PLEKHF1: variants seen among roughly 807,000 people sequenced by gnomAD.
PLEKHF1 encodes pleckstrin homology domain-containing family F member 1.
In PLEKHF1, 1 loss-of-function variant was observed where a neutral mutation model predicts 4.1. That is an observed-to-expected ratio of 0.24 (90% CI 0.09 to 1.15). PLEKHF1 has a LOEUF of 1.15. Ranked by LOEUF, PLEKHF1 falls within the 50% of genes most tolerant of loss-of-function variation. PLEKHF1 has a pLI of 0.52. For missense variants in PLEKHF1, 429 were observed against 400.6 expected (o/e 1.07, Z -0.60); for synonymous variants, 182 against 178.5 (o/e 1.02, Z -0.16).
At chr19:29,672,377 C>T (rs1022775151) in intron 1 of PLEKHF1, among the ~76,000 whole-genome samples, 6 of 152,188 alleles carry the variant, frequency 3.9e-5, no homozygotes, top group African/African-American at 2.4e-5. Context: ...ATTTGACTCT[C>T]AGACCTTGGA....
chr19:29,674,712 A>C lies in PLEKHF1; in HGVS notation c.*33A>C. 6.4e-7 allele frequency: 1 copy of C among 1,564,440 alleles called. No homozygotes were observed. Among genetic ancestry groups the C allele is most frequent in the Non-Finnish European group, 8.7e-7 (1 of 1,152,698 alleles). ...CCTGCAGAACATCTGTCCCCAAGCCAGCTCCACTGCCCAGGCCCCCAAGAG... is the reference window on the plus strand; with the variant it reads ...CCTGCAGAACATCTGTCCCCAAGCCCGCTCCACTGCCCAGGCCCCCAAGAG... On this transcript the variant is annotated 3_prime_UTR_variant, in exon 2 of 2. Transcript: ENST00000436066.
rs1211950615 is a variant in PLEKHF1 at position 29,674,670 on chromosome 19, C to T, written c.831C>T (p.Phe277=). The T allele has an allele frequency of 6.2e-7, 1 of 1,600,614 alleles. No homozygotes were observed. The highest frequency in any genetic ancestry group is 8.5e-7 in the Non-Finnish European group (1 of 1,172,606). Residue 277 remains phenylalanine, a synonymous_variant, in exon 2 of 2, where the codon TTC becomes TTT. Transcript: ENST00000436066. ...CCTCGGGGGTGGCCTGGTCTGCCTT[C>T]CACAGCTGACCCCCGGCCTGCAGAA... ...FYASGVAWSA[F]HS
chr19:29,669,587 A>G (rs943534394), intron 1 of PLEKHF1, among the ~76,000 whole-genome samples: 5 of 152,178 alleles, frequency 3.3e-5, no homozygotes, highest in Non-Finnish European at 5.9e-5. Flanking sequence ...CCCCCAGCCC[A>G]TGGAGCCCAG....
intron 1 of PLEKHF1, chr19:29,665,803 G>A: frequency 9.3e-7 from 1 of 1,073,210 alleles, no homozygotes; most frequent in Non-Finnish European, 1.1e-6. Context: ...GAGGTAAGGG[G>A]GTCGCGGGCC....
At chr19:29,668,807 G>C (rs998100208) in intron 1 of PLEKHF1, among the ~76,000 whole-genome samples, 5 of 152,182 alleles carry the variant, frequency 3.3e-5, no homozygotes, top group Admixed American at 6.5e-5. Flanking sequence ...TACAGGCAAG[G>C]TCAAACCAGG....
At chr19:29,668,692 C>A (rs575379998) in intron 1 of PLEKHF1, among the ~76,000 whole-genome samples, 2 of 151,136 alleles carry the variant, frequency 1.3e-5, no homozygotes, top group Admixed American at 1.3e-4. Context: ...TGTACTTCAG[C>A]CTGGGCAACA....
chr19:29,667,401 G>A (rs1487036032), intron 1 of PLEKHF1, among the ~76,000 whole-genome samples: 1 of 152,238 alleles, frequency 6.6e-6, no homozygotes, highest in African/African-American at 2.4e-5. Context: ...CTGGCACACA[G>A]TGGGACTCAT....
At chr19:29,665,747 C>G in intron 1 of PLEKHF1, 1 of 1,072,556 alleles carries the variant, frequency 9.3e-7, no homozygotes, top group Non-Finnish European at 1.1e-6. Flanking sequence ...GGGGTCAGAG[C>G]GTCCGAGGCG....
intron 1 of PLEKHF1, among the ~76,000 whole-genome samples, chr19:29,670,448 C>T (rs964646199): frequency 3.9e-5 from 6 of 152,190 alleles, no homozygotes; most frequent in African/African-American, 9.7e-5. Flanking sequence ...TTGTAGTGTG[C>T]GTCAGAATTA....
At position 29,674,336 on chromosome 19, in the gene PLEKHF1, T is replaced by C; in HGVS notation, c.497T>C (p.Phe166Ser). 1 of 1,563,836 alleles carries C rather than the reference T, an allele frequency of 6.4e-7. No homozygotes were observed. The highest frequency in any genetic ancestry group is 8.6e-7 in the Non-Finnish European group (1 of 1,161,412). Residue 166 changes from phenylalanine to serine, a missense_variant, in exon 2 of 2, where the codon TTC becomes TCC. Physicochemically the swap from Phe to Ser is radical, Grantham distance 155 (BLOSUM62 -2). Transcript: ENST00000436066. ...DICMRCTQTR[F>S]SALTRRHHCR... ...TGCATGCGCTGCACGCAGACGCGCT[T>C]CTCTGCCCTCACGAGGCGCCACCAC...
rs1367926295 is a variant in PLEKHF1, at chr19:29,674,255, G to T, written c.416G>T (p.Arg139Leu). ...CVRRQLRATG[R>L]PPSTEHAAPW... Reference sequence around the variant, plus strand: ...CGGCGGCAACTGAGGGCCACGGGCCGCCCGCCCAGCACGGAGCACGCGGCA... The same window carrying T: ...CGGCGGCAACTGAGGGCCACGGGCCTCCCGCCCAGCACGGAGCACGCGGCA... The change falls in exon 2 of 2, where the codon CGC (arginine) becomes CTC (leucine). Residue 139 changes from arginine (R) to leucine (L), a missense_variant. Arg to Leu is a moderately radical substitution (Grantham distance 102). Transcript: ENST00000436066. The T allele has an allele frequency of 6.2e-7, 1 of 1,607,012 alleles. No individual in the cohort carries two copies. Among genetic ancestry groups the T allele is most frequent in the Admixed American group, 1.7e-5 (1 of 59,764 alleles).
intron 1 of PLEKHF1, among the ~76,000 whole-genome samples, chr19:29,669,446 C>T (rs180783271): frequency 6.6e-6 from 1 of 152,362 alleles, no homozygotes; most frequent in African/African-American, 2.4e-5. Flanking sequence ...CAGCACACAG[C>T]TGGGCTGGGG....
intron 1 of PLEKHF1, among the ~76,000 whole-genome samples, chr19:29,669,396 G>A (rs1461895389): frequency 6.6e-6 from 1 of 152,222 alleles, no homozygotes; most frequent in Admixed American, 6.5e-5. Context: ...GCAGTCTCAG[G>A]TTTGGGTTTT....
At chr19:29,673,799 A>G in intron 1 of PLEKHF1, 25 bp from the exon 2 acceptor site, 1 of 1,564,248 alleles carries the variant, frequency 6.4e-7, no homozygotes, top group African/African-American at 1.4e-5. Context: ...GCCTGGACAT[A>G]CTCCTTGTCT....
intron 1 of PLEKHF1, 85 bp from the exon 2 acceptor site, chr19:29,673,739 G>A (rs969122074): frequency 6.6e-7 from 1 of 1,519,224 alleles, no homozygotes; most frequent in Non-Finnish European, 8.9e-7. Context: ...TGGCATGGTG[G>A]GTTAGTCAGT....
Position 29,674,298 on chromosome 19 carries a change from G to A in PLEKHF1, c.459G>A (p.Lys153=). 6.3e-7 allele frequency: 1 copy of A among 1,593,256 alleles called. No homozygotes were observed. The highest frequency in any genetic ancestry group is 1.1e-5 in the South Asian group (1 of 89,994). ...TEHAAPWIPD[K]ATDICMRCTQ... Reference sequence around the variant, plus strand: ...ACGCGGCACCCTGGATCCCCGACAAGGCCACGGACATCTGCATGCGCTGCA... The same window carrying A: ...ACGCGGCACCCTGGATCCCCGACAAAGCCACGGACATCTGCATGCGCTGCA... Residue 153 remains lysine, a synonymous_variant, in exon 2 of 2, where the codon AAG becomes AAA. Coordinates refer to ENST00000436066, the MANE Select transcript of PLEKHF1 (RefSeq NM_024310.5).
chr19:29,665,906 C>A, intron 1 of PLEKHF1: 1 of 744,378 alleles, frequency 1.3e-6, no homozygotes, highest in Non-Finnish European at 1.7e-6. Flanking sequence ...TCTTCTCAGC[C>A]CCAGTCTGCA....
At chr19:29,673,271 C>T (rs544905752) in intron 1 of PLEKHF1, among the ~76,000 whole-genome samples, 1 of 152,222 alleles carries the variant, frequency 6.6e-6, no homozygotes, top group East Asian at 1.9e-4. Flanking sequence ...ACACCCAGGT[C>T]TCCTGGCACA....
chr19:29,666,528 G>A (rs1190833160), intron 1 of PLEKHF1, among the ~76,000 whole-genome samples: 2 of 152,222 alleles, frequency 1.3e-5, no homozygotes, highest in Non-Finnish European at 2.9e-5. Flanking sequence ...GTGTGGCCTG[G>A]AGGGTGGGAC....
Sources: gnomAD v4.1 joint callset for allele counts (sites outside exome capture counted in the v4.1 genomes callset) on GRCh38, gnomAD v4.1.1 for gene constraint, MANE v1.5 for transcripts, NCBI Gene and HGNC (gene_info 2026-07-23, HGNC 2026-07-21) for gene names.